The following PPP1R9A variants were observed in gnomAD, a reference collection of about 807,000 sequenced individuals.
PPP1R9A encodes protein phosphatase 1 regulatory subunit 9A.
A neutral mutation model predicts 141.9 loss-of-function variants in PPP1R9A; 59 were observed. The observed-to-expected ratio is 0.42, with a 90% CI of 0.34 to 0.52. The LOEUF is 0.52. PPP1R9A is among the 20% of genes least tolerant of loss of function. The probability of loss-of-function intolerance (pLI) is 0.10; values close to 1 mark genes in which losing one functional copy is unlikely to be tolerated. For missense variants in PPP1R9A, 1,444 were observed against 1,611.9 expected, an observed-to-expected ratio of 0.90 and a Z score of 1.78; for synonymous variants, 500 against 569.7, an observed-to-expected ratio of 0.88 and a Z score of 1.74.
Position 95,290,279 on chromosome 7 carries a change from A to G in PPP1R9A, c.4101A>G (p.Thr1367=). The change falls in exon 20 of 20, where the codon ACA becomes ACG. Residue 1367 remains threonine, a synonymous_variant. Transcript: ENST00000433360. ...SKKTEKMTST[T]AEGAGEQ is the part of the protein sequence containing the mutation. ...AGACAGAAAAGATGACGTCAACTAC[A>G]GCCGAGGGTGCTGGTGAGCAGTAAC... 1 of 1,611,660 alleles carries G rather than the reference A, an allele frequency of 6.2e-7. No individual in the cohort carries two copies. Among genetic ancestry groups the G allele is most frequent in the Non-Finnish European group, 8.5e-7 (1 of 1,178,786 alleles).
chr7:95,171,793 G>T (rs1368787665), intron 5 of PPP1R9A, among the ~76,000 whole-genome samples: 3 of 151,536 alleles, frequency 2.0e-5, no homozygotes, highest in Admixed American at 6.6e-5. Flanking sequence ...ATAGAAGATG[G>T]TATACTTCTC....
At chr7:95,264,280 G>A (rs999534925) in intron 12 of PPP1R9A, among the ~76,000 whole-genome samples, 7 of 152,128 alleles carry the variant, frequency 4.6e-5, no homozygotes, top group Non-Finnish European at 7.3e-5. Flanking sequence ...TAGCACAGGC[G>A]AGGCAGTGTG....
chr7:95,194,207 T>G (rs540599256), intron 5 of PPP1R9A, among the ~76,000 whole-genome samples: 1 of 152,216 alleles, frequency 6.6e-6, no homozygotes, highest in African/African-American at 2.4e-5. Context: ...TCATTAGACG[T>G]AATTTCTGAC....
At chr7:94,952,667 A>C (rs760372937) in intron 2 of PPP1R9A, among the ~76,000 whole-genome samples, 8 of 152,134 alleles carry the variant, frequency 5.3e-5, no homozygotes, top group Non-Finnish European at 8.8e-5. Context: ...ATGAGATGGT[A>C]TCTCATTGTG....
chr7:94,941,055 A>G (rs1040595341), intron 2 of PPP1R9A, among the ~76,000 whole-genome samples: 2 of 152,126 alleles, frequency 1.3e-5, no homozygotes, highest in African/African-American at 2.4e-5. Flanking sequence ...AAAGAAAAGT[A>G]TACTCTACTT....
At chr7:95,199,505 A>T (rs1329807540) in intron 6 of PPP1R9A, among the ~76,000 whole-genome samples, 1 of 152,204 alleles carries the variant, frequency 6.6e-6, no homozygotes, top group African/African-American at 2.4e-5. Context: ...TTAATCTGAG[A>T]TGTTTTAATC....
chr7:95,132,902 A>G (rs1350221277), intron 4 of PPP1R9A, among the ~76,000 whole-genome samples: 12 of 152,150 alleles, frequency 7.9e-5, no homozygotes, highest in Non-Finnish European at 1.6e-4. Context: ...GCTCTCACCC[A>G]GAGAGTCCCA....
At chr7:94,939,451 A>G (rs1040680201) in intron 2 of PPP1R9A, among the ~76,000 whole-genome samples, 1 of 151,980 alleles carries the variant, frequency 6.6e-6, no homozygotes, top group Non-Finnish European at 1.5e-5. Context: ...CATTCAGATT[A>G]CCCCTTTTTA....
intron 2 of PPP1R9A, among the ~76,000 whole-genome samples, chr7:94,924,947 A>G (rs1302873349): frequency 6.6e-6 from 1 of 152,226 alleles, no homozygotes; most frequent in East Asian, 1.9e-4. Context: ...GACGGTTGAA[A>G]TAAACAGAAT....
intron 2 of PPP1R9A, among the ~76,000 whole-genome samples, chr7:94,936,651 GGTGTGTGTGT>G (rs35730484): frequency 3.5e-4 from 29 of 82,236 alleles, no homozygotes; most frequent in African/African-American, 8.0e-4. Context: ...ACTGTGTAGG[GGTGTGTGTGT>G]GTGTGTGTGT....
intron 12 of PPP1R9A, among the ~76,000 whole-genome samples, chr7:95,265,321 A>G (rs536728448): frequency 1.3e-5 from 2 of 152,308 alleles, no homozygotes; most frequent in South Asian, 2.1e-4. Context: ...CCTGAGCTCT[A>G]TTCACTCTCT....
At chr7:95,252,467 A>ATTTTTTTTTTTTTTTTTTTTTTTTT in intron 12 of PPP1R9A, among the ~76,000 whole-genome samples, 1 of 107,028 alleles carries the variant, frequency 9.3e-6, no homozygotes, top group African/African-American at 3.6e-5. Context: ...TAAGGTTTAG[A>ATTTTTTTTTTTTTTTTTTTTTTTTT]TTTTTTTTTT....
At chr7:95,006,863 ATT>A (rs1215381838) in intron 2 of PPP1R9A, among the ~76,000 whole-genome samples, 7 of 143,508 alleles carry the variant, frequency 4.9e-5, no homozygotes, top group Non-Finnish European at 3.1e-5. Context: ...GGCCATAATA[ATT>A]TTTTTTTTTT....
At chr7:95,220,027 A>G (rs796844928) in intron 7 of PPP1R9A, among the ~76,000 whole-genome samples, 16 of 152,200 alleles carry the variant, frequency 1.1e-4, no homozygotes, top group African/African-American at 3.4e-4. Context: ...ATGAATTCTC[A>G]TAGCAACCTC....
In PPP1R9A at chr7:95,293,576, T is replaced by C. The variant is rs1360361249; in HGVS notation, c.*3273T>C. On this transcript the variant is annotated 3_prime_UTR_variant, in exon 20 of 20. Coordinates refer to ENST00000433360, the MANE Select transcript of PPP1R9A (RefSeq NM_001166160.2). ...GGGACTGTCACCTTTTGCTCCATTG[T>C]TGTTGGAAACAAAGTGGCAAGAGGG... The C allele has an allele frequency of 2.6e-5, 4 of 152,248 alleles. No homozygotes were observed. Among genetic ancestry groups the C allele is most frequent in the African/African-American group, 9.6e-5 (4 of 41,458 alleles). The allele number at this position is 152,248 out of a possible 1,614,324, so 9.4% of individuals were successfully genotyped here.
chr7:95,219,349 G>T (rs548301684), intron 7 of PPP1R9A, among the ~76,000 whole-genome samples: 1 of 152,144 alleles, frequency 6.6e-6, no homozygotes. Flanking sequence ...CTGTTAGTCT[G>T]GTGGGTTGCC....
intron 4 of PPP1R9A, chr7:95,155,660 G>A (rs1159705237): frequency 6.6e-6 from 1 of 152,166 alleles, no homozygotes; most frequent in Non-Finnish European, 1.5e-5. Flanking sequence ...AATTTAAATG[G>A]TGACTTTTGT....
At position 95,170,574 on chromosome 7, in the gene PPP1R9A, A is replaced by C. The variant is rs141448460; in HGVS notation, c.1754+8603A>C. Among the ~76,000 whole-genome samples, 117 of 151,726 alleles carry C rather than the reference A, an allele frequency of 7.7e-4. 1 individual carries two copies. The highest frequency in any genetic ancestry group is 2.7e-3 in the African/African-American group (112 of 41,526). ...AGTAGAAATAATACATCACCAAGGA[A>C]AGTGAATAATAATTTAAAAGTTTTG... On this transcript the variant is annotated intron_variant, in intron 5 of 19. Coordinates refer to ENST00000433360, the MANE Select transcript of PPP1R9A (RefSeq NM_001166160.2).
chr7:94,909,545 G>A (rs916748816), intron 1 of PPP1R9A, among the ~76,000 whole-genome samples: 5 of 152,152 alleles, frequency 3.3e-5, no homozygotes, highest in African/African-American at 1.2e-4. Flanking sequence ...AAAGATCGAT[G>A]AACTGCTGGT....
Sources: allele counts gnomAD v4.1 joint callset (sites outside exome capture counted in the v4.1 genomes callset), GRCh38; gene constraint gnomAD v4.1.1; transcripts MANE v1.5; gene names NCBI Gene and HGNC (gene_info 2026-07-23, HGNC 2026-07-21).